Variants in LYPD6 observed in about 807,000 individuals in gnomAD.
LYPD6 encodes ly6/PLAUR domain-containing protein 6.
Under a neutral mutation model 22.7 loss-of-function variants are expected in LYPD6, and 15 were observed. That is an observed-to-expected ratio of 0.66 (90% CI 0.44 to 1.02). The LOEUF is 1.02. Ranked by LOEUF, LYPD6 falls within the 50% of genes least tolerant of loss-of-function variation. The pLI is 0.00. For synonymous variants in LYPD6, 72 were observed against 77.5 expected, an observed-to-expected ratio of 0.93 and a Z score of 0.37; for missense variants, 189 against 208.4, an observed-to-expected ratio of 0.91 and a Z score of 0.57.
chr2:149,357,002 G>A (rs1290296032), intron 1 of LYPD6, among the ~76,000 whole-genome samples: 1 of 152,076 alleles, frequency 6.6e-6, no homozygotes, highest in Non-Finnish European at 1.5e-5. Context: ...AAATTTACTG[G>A]GATTCTTTGT....
intron 1 of LYPD6, among the ~76,000 whole-genome samples, chr2:149,355,830 A>G (rs371827840): frequency 6.6e-6 from 1 of 152,266 alleles, no homozygotes; most frequent in Admixed American, 6.5e-5. Context: ...TAACTTAGGA[A>G]CATTAATCTC....
downstream of LYPD6, among the ~76,000 whole-genome samples, chr2:149,477,497 C>T (rs1681463163): frequency 6.6e-6 from 1 of 151,920 alleles, no homozygotes; most frequent in South Asian, 2.1e-4. Flanking sequence ...GTGGCACACA[C>T]CTGTAATCCC....
chr2:149,380,366 TAG>T (rs1158954465), intron 1 of LYPD6, among the ~76,000 whole-genome samples: 3 of 152,192 alleles, frequency 2.0e-5, no homozygotes, highest in African/African-American at 7.2e-5. Context: ...GAAGAGGCTA[TAG>T]AGGCAAAGCA....
chr2:149,345,398 C>T (rs1681235721), intron 1 of LYPD6, among the ~76,000 whole-genome samples: 1 of 150,390 alleles, frequency 6.6e-6, no homozygotes. Context: ...GCTCTGCCTC[C>T]TGGGTTCATG....
At chr2:149,333,055 A>G (rs1440084207) in intron 1 of LYPD6, among the ~76,000 whole-genome samples, 2 of 152,236 alleles carry the variant, frequency 1.3e-5, no homozygotes, top group Admixed American at 1.3e-4. Flanking sequence ...GACGATTAAC[A>G]ATAGAAATAA....
chr2:149,330,465 T>C (rs1573721108), upstream of LYPD6: 1 of 149,176 alleles, frequency 6.7e-6, no homozygotes, highest in African/African-American at 2.4e-5. Context: ...CCGCGCGCGC[T>C]GATTGGTCCC....
chr2:149,368,434 G>A (rs1200281281), intron 1 of LYPD6, among the ~76,000 whole-genome samples: 1 of 152,166 alleles, frequency 6.6e-6, no homozygotes, highest in African/African-American at 2.4e-5. Context: ...TCAGGAGGCT[G>A]AGGCATGAGG....
rs1376300227 is a variant in LYPD6 at position 149,437,897 on chromosome 2, G to A, written c.118+71G>A. 6 of 1,551,712 alleles carry A rather than the reference G, an allele frequency of 3.9e-6. No homozygotes were observed. In the Admixed American group the frequency reaches 5.0e-5, roughly 13 times the overall value. ...AAGAAGTGGTTCAAAAACTGGCCAG[G>A]AAAAGGCATCCTTCAGTATAGTGAA... is the stretch of plus-strand genomic sequence containing the variant. On this transcript the variant is annotated intron_variant, in intron 2 of 4. Coordinates refer to ENST00000334166, the MANE Select transcript of LYPD6 (RefSeq NM_194317.5).
Position 149,471,979 on chromosome 2 carries a change from T to C in LYPD6, c.*1129T>C, listed in dbSNP as rs1179717313. 6.6e-6 allele frequency: 1 copy of C among 152,618 alleles called. No individual in the cohort carries two copies. The highest frequency in any genetic ancestry group is 2.4e-5 in the African/African-American group (1 of 41,462). 9.5% of individuals were successfully genotyped at this position (152,618 alleles called of 1,614,324 possible). On this transcript the variant is annotated 3_prime_UTR_variant, in exon 5 of 5. Coordinates refer to ENST00000334166, the MANE Select transcript of LYPD6 (RefSeq NM_194317.5). ...GTGATTGCAAGACTAACAAGGAGAC[T>C]CAATGGGAAGTTTTTCTTTCTTTTA... is the stretch of plus-strand genomic sequence containing the variant.
At chr2:149,461,401 C>T (rs573556819) in intron 3 of LYPD6, among the ~76,000 whole-genome samples, 2 of 151,744 alleles carry the variant, frequency 1.3e-5, no homozygotes, top group South Asian at 4.2e-4. Context: ...AACTTAAAAA[C>T]ACTCATAAAA....
intron 2 of LYPD6, among the ~76,000 whole-genome samples, chr2:149,441,846 A>G (rs987090226): frequency 6.6e-6 from 1 of 152,214 alleles, no homozygotes; most frequent in Non-Finnish European, 1.5e-5. Flanking sequence ...TTTCCTTAGA[A>G]TAGAAAGAAA....
intron 3 of LYPD6, among the ~76,000 whole-genome samples, chr2:149,456,642 A>G (rs547186533): frequency 6.6e-6 from 1 of 152,336 alleles, no homozygotes; most frequent in Admixed American, 6.5e-5. Context: ...ACAGACAGGA[A>G]CTGAGGGAAG....
At chr2:149,424,030 A>G (rs1162519078) in intron 1 of LYPD6, among the ~76,000 whole-genome samples, 2 of 152,188 alleles carry the variant, frequency 1.3e-5, no homozygotes, top group Non-Finnish European at 2.9e-5. Flanking sequence ...GAAAGATGCC[A>G]TCGTCTCAAG....
chr2:149,381,493 C>T (rs1682062893), intron 1 of LYPD6, among the ~76,000 whole-genome samples: 1 of 152,016 alleles, frequency 6.6e-6, no homozygotes, highest in African/African-American at 2.4e-5. Flanking sequence ...GGTGGTGAGA[C>T]CATGTGCCAG....
intron 1 of LYPD6, among the ~76,000 whole-genome samples, chr2:149,400,521 C>T (rs929257207): frequency 6.6e-6 from 1 of 152,128 alleles, no homozygotes; most frequent in Non-Finnish European, 1.5e-5. Flanking sequence ...GCTGTTTAAA[C>T]CCTGGGATTA....
At chr2:149,445,641 G>C (rs1683671031) in intron 2 of LYPD6, among the ~76,000 whole-genome samples, 2 of 152,204 alleles carry the variant, frequency 1.3e-5, no homozygotes, top group African/African-American at 4.8e-5. Flanking sequence ...GCTAGCTGCA[G>C]ACTTTTCTTC....
chr2:149,371,614 T>C (rs1386952274), intron 1 of LYPD6, among the ~76,000 whole-genome samples: 1 of 152,216 alleles, frequency 6.6e-6, no homozygotes, highest in African/African-American at 2.4e-5. Flanking sequence ...AATTCTTTCA[T>C]GGTAATAGTC....
At chr2:149,363,856 TTAA>T (rs1164894193) in intron 1 of LYPD6, among the ~76,000 whole-genome samples, 1 of 152,190 alleles carries the variant, frequency 6.6e-6, no homozygotes, top group African/African-American at 2.4e-5. Context: ...GAGTAGGGGC[TTAA>T]TAATATTTGG....
At chr2:149,431,895 T>C (rs1683322188) in intron 1 of LYPD6, among the ~76,000 whole-genome samples, 1 of 152,076 alleles carries the variant, frequency 6.6e-6, no homozygotes, top group Admixed American at 6.6e-5. Flanking sequence ...AATATAGAAC[T>C]CTTACAACTC....
Sources: gnomAD v4.1 joint callset for allele counts (sites outside exome capture counted in the v4.1 genomes callset) on GRCh38, gnomAD v4.1.1 for gene constraint, MANE v1.5 for transcripts, NCBI Gene and HGNC (gene_info 2026-07-23, HGNC 2026-07-21) for gene names.